Variants in VILL observed in about 807,000 individuals in gnomAD.
The protein encoded by VILL is villin like, also known as villin-like protein.
A neutral mutation model predicts 106.3 loss-of-function variants in VILL; 102 were observed. The ratio of observed to expected loss-of-function variants is 0.96; its 90% CI spans 0.82 to 1.13. VILL has a LOEUF of 1.13. VILL is among the 50% of genes most tolerant of loss of function. VILL has a pLI of 0.00. For synonymous variants in VILL, 431 were observed against 440.3 expected (o/e 0.98, Z 0.27); for missense variants, 1,076 against 1,116.6 (o/e 0.96, Z 0.52).
chr3:38,004,062 T>G, intron 15 of VILL, 193 bp from the exon 16 acceptor site: 1 of 628,852 alleles, frequency 1.6e-6, no homozygotes, highest in Non-Finnish European at 2.6e-6. Context: ...GGCGAGAGCT[T>G]TCTCCATGAG....
At chr3:38,000,279 A>C (rs1269865297) in intron 11 of VILL, among the ~76,000 whole-genome samples, 1 of 152,142 alleles carries the variant, frequency 6.6e-6, no homozygotes, top group Non-Finnish European at 1.5e-5. Flanking sequence ...ATGAGTGGGA[A>C]GAGACTGAGA....
rs1055790284 is a variant in VILL at position 38,005,967 on chromosome 3, A to G, written c.2126A>G (p.Lys709Arg). The stretch of plus-strand genomic sequence containing the variant: ...TGGTTCTTCACTTGGGACCCCTACA[A>G]GTGGACTGTGAGTGAGGCCTGAAAC... ...IGWFFTWDPY[K>R]WTSHPSHKEV... Residue 709 changes from lysine to arginine, a missense_variant, in exon 17 of 20, where the codon AAG (lysine) becomes AGG (arginine). Coordinates refer to ENST00000383759, the MANE Select transcript of VILL (RefSeq NM_015873.4). 1.2e-5 allele frequency: 19 copies of G among 1,611,256 alleles called. No individual in the cohort carries two copies. Among genetic ancestry groups the G allele is most frequent in the Admixed American group, 3.3e-5 (2 of 59,832 alleles).
intron 19 of VILL, 92 bp downstream of exon 19, chr3:38,006,792 A>G: frequency 6.5e-7 from 1 of 1,538,232 alleles, no homozygotes; most frequent in Non-Finnish European, 8.8e-7. Context: ...GCAGTGGGCA[A>G]CTGCCCCGGG....
intron 10 of VILL, 107 bp from the exon 11 acceptor site, chr3:37,999,232 C>T (rs942351407): frequency 7.2e-6 from 8 of 1,117,194 alleles, no homozygotes; most frequent in East Asian, 3.1e-5. Context: ...CTGCGGAGGA[C>T]GCGGCGGGAC....
chr3:37,989,787 C>T (rs1435486815), upstream of VILL, among the ~76,000 whole-genome samples: 1 of 152,130 alleles, frequency 6.6e-6, no homozygotes, highest in East Asian at 1.9e-4. Flanking sequence ...CACATGAGGT[C>T]GGACAGGCAA....
At position 37,998,133 on chromosome 3, in the gene VILL, AC is replaced by A; in HGVS notation, c.815del (p.Pro272HisfsTer2). ...AGACCTGGTGGTCCTGGAGTTGGCG[AC>A]CCCCCCACTGACCCAGGACCTGCTG... is the stretch of plus-strand genomic sequence containing the variant. ...GKDLVVLELATPPLTQDLLQE... is the reference protein window; with the variant it reads ...GKDLVVLELAXPPLTQDLLQE... On this transcript the variant is annotated frameshift_variant, in exon 8 of 20. Transcript: ENST00000383759. LOFTEE classifies it high-confidence loss of function. This position sits in a 1 kb window ranked among gnomAD's most constrained non-coding sequence, Gnocchi z 4.1. 1.9e-6 allele frequency: 3 copies of A among 1,612,548 alleles called. No homozygotes were observed. The highest frequency in any genetic ancestry group is 1.1e-5 in the South Asian group (1 of 90,956).
intron 4 of VILL, among the ~76,000 whole-genome samples, chr3:37,995,167 A>G (rs1367817665): frequency 6.6e-6 from 1 of 152,242 alleles, no homozygotes; most frequent in African/African-American, 2.4e-5. Context: ...TGGTAGGAAT[A>G]TATCTTTCGC....
At chr3:38,006,333 G>T (rs1699922851) in intron 18 of VILL, 81 bp downstream of exon 18, 2 of 1,607,820 alleles carry the variant, frequency 1.2e-6, no homozygotes, top group Admixed American at 3.3e-5. Flanking sequence ...GAAGTGCCAG[G>T]CCCTTGTAAG....
chr3:37,998,039 A>T lies in VILL; in HGVS notation c.765-51A>T. 6.5e-7 allele frequency: 1 copy of T among 1,535,992 alleles called. No homozygotes were observed. Among genetic ancestry groups the T allele is most frequent in the Non-Finnish European group, 8.8e-7 (1 of 1,131,502 alleles). ...GGTCCTAAATGGGGCTGGAGTGGAG[A>T]CAGATCAGGGAGGGGCTGGGCTGGC... is the stretch of plus-strand genomic sequence containing the variant. On this transcript the variant is annotated intron_variant, in intron 7 of 19. Transcript: ENST00000383759. The surrounding 1 kb of genome is among the most constrained non-coding windows in gnomAD (Gnocchi z 4.1).
rs867663742 is a variant in VILL at position 38,004,746 on chromosome 3, T to C, written c.1950+347T>C. 1.6e-4 allele frequency among the ~76,000 whole-genome samples: 25 copies of C among 152,118 alleles called. 1 individual carries two copies. Among genetic ancestry groups the C allele is most frequent in the East Asian group, 1.9e-4 (1 of 5,196 alleles). On this transcript the variant is annotated intron_variant, in intron 16 of 19. Transcript: ENST00000383759. Reference sequence around the variant, plus strand: ...GTCGGTGCTGCATGAGTGACTGTGATTGGAATGCCCAATCGCATCATTCAT... The same window carrying C: ...GTCGGTGCTGCATGAGTGACTGTGACTGGAATGCCCAATCGCATCATTCAT...
In VILL at chr3:38,005,933, T is replaced by C; in HGVS notation, c.2092T>C (p.Phe698Leu). Residue 698 changes from phenylalanine to leucine, a missense_variant, in exon 17 of 20, where the codon TTC becomes CTC. By Grantham distance (22) the Phe-to-Leu change is conservative. Coordinates refer to ENST00000383759, the MANE Select transcript of VILL (RefSeq NM_015873.4). ...CAAGCAGGGCCATGAGCCTCCCACCTTCATTGGATGGTTCTTCACTTGGGA... is the reference window on the plus strand; with the variant it reads ...CAAGCAGGGCCATGAGCCTCCCACCCTCATTGGATGGTTCTTCACTTGGGA... The part of the protein sequence containing the change: ...LVKQGHEPPT[F>L]IGWFFTWDPY... 1.2e-6 allele frequency: 2 copies of C among 1,613,878 alleles called. No individual in the cohort carries two copies. Among genetic ancestry groups the C allele is most frequent in the Non-Finnish European group, 1.7e-6 (2 of 1,179,828 alleles).
rs763261064 is a variant in VILL at position 37,993,915 on chromosome 3, G to C, written c.78G>C (p.Pro26=). Residue 26 remains proline, a synonymous_variant, in exon 3 of 20, where the codon CCG becomes CCC. Coordinates refer to ENST00000383759, the MANE Select transcript of VILL (RefSeq NM_015873.4). ...IWISENRKMV[P]VPEGAYGNFF... Reference sequence around the variant, plus strand: ...TCTCCCAGAACCGGAAGATGGTGCCGGTACCCGAGGGGGCTTACGGGAACT... The same window carrying C: ...TCTCCCAGAACCGGAAGATGGTGCCCGTACCCGAGGGGGCTTACGGGAACT... The C allele has an allele frequency of 1.9e-6, 3 of 1,614,080 alleles. No homozygotes were observed. Among genetic ancestry groups the C allele is most frequent in the Middle Eastern group, 1.6e-4 (1 of 6,084 alleles).
chr3:38,000,794 G>T, intron 11 of VILL: 1 of 442,084 alleles, frequency 2.3e-6, no homozygotes. Flanking sequence ...AACTGTCAGG[G>T]TCAGTGTGGG....
chr3:38,006,838 A>G (rs1433164472), intron 19 of VILL, 104 bp from the exon 20 acceptor site: 1 of 1,512,222 alleles, frequency 6.6e-7, no homozygotes, highest in African/African-American at 1.4e-5. Flanking sequence ...GGGCAAACAG[A>G]TGCGGGAGTC....
intron 1 of VILL, among the ~76,000 whole-genome samples, chr3:37,991,688 TAGG>T (rs1463438100): frequency 6.6e-6 from 1 of 151,574 alleles, no homozygotes; most frequent in Non-Finnish European, 1.5e-5. Context: ...GGAGGGCTTC[TAGG>T]AGAAGGGAGA....
At chr3:37,999,175 T>C (rs1284108598) in intron 10 of VILL, 125 bp downstream of exon 10, 2 of 1,210,288 alleles carry the variant, frequency 1.7e-6, no homozygotes, top group Non-Finnish European at 2.2e-6. Context: ...CGGGGCCTGG[T>C]CTGCACGGGG....
chr3:38,001,418 G>A, intron 11 of VILL, 38 bp from the exon 12 acceptor site: 3 of 1,607,974 alleles, frequency 1.9e-6, no homozygotes, highest in Non-Finnish European at 2.5e-6. Context: ...GGTTCAGGAA[G>A]AGCAGCCACC....
intron 15 of VILL, 97 bp from the exon 16 acceptor site, chr3:38,004,158 T>C: frequency 4.0e-6 from 6 of 1,510,048 alleles, no homozygotes; most frequent in Non-Finnish European, 5.3e-6. Flanking sequence ...CTCCCACTCC[T>C]GAGAAGTGGC....
chr3:37,997,259 C>T lies in VILL; in HGVS notation c.561+72C>T, dbSNP rs559307089. ...AATGATCCTCCAGTTGACCATCCTC[C>T]GGCCACCCAAAGAGTTGGGCTTGGC... On this transcript the variant is annotated intron_variant, in intron 6 of 19. Coordinates refer to ENST00000383759, the MANE Select transcript of VILL (RefSeq NM_015873.4). This position sits in a 1 kb window ranked among gnomAD's most constrained non-coding sequence, Gnocchi z 4.7. 1.0e-4 allele frequency: 150 copies of T among 1,499,168 alleles called. No individual in the cohort carries two copies. Among genetic ancestry groups the T allele is most frequent in the South Asian group, 4.7e-4 (41 of 87,384 alleles). The allele number at this position is 1,499,168 out of a possible 1,614,324, so 92.9% of individuals were successfully genotyped here. A position where few individuals can be genotyped will look rare whatever the true frequency, so the allele number is the denominator to read the frequency against.
Sources: gnomAD v4.1 joint callset for allele counts (sites outside exome capture counted in the v4.1 genomes callset) on GRCh38, gnomAD v4.1.1 for gene constraint, Gnocchi (gnomAD v3.1) non-coding constraint, MANE v1.5 for transcripts, NCBI Gene and HGNC (gene_info 2026-07-23, HGNC 2026-07-21) for gene names.